GRIP1: variants seen among roughly 807,000 people sequenced by gnomAD.
GRIP1 encodes glutamate receptor-interacting protein 1.
GRIP1 carries 45 observed loss-of-function variants against 129.9 expected under a neutral mutation model. The ratio of observed to expected loss-of-function variants is 0.35; its 90% CI spans 0.27 to 0.44. The LOEUF (loss-of-function observed/expected upper bound fraction) is 0.44, where lower values mean the gene tolerates loss of function less well. Ranked by LOEUF, GRIP1 falls within the 20% of genes least tolerant of loss-of-function variation. GRIP1 has a pLI of 1.00. For synonymous variants in GRIP1, 530 were observed against 520.8 expected (o/e 1.02, Z -0.24); for missense variants, 1,196 against 1,396.8 (o/e 0.86, Z 2.29).
intron 1 of GRIP1, among the ~76,000 whole-genome samples, chr12:66,829,812 T>C (rs576147967): frequency 6.6e-6 from 1 of 152,270 alleles, no homozygotes; most frequent in South Asian, 2.1e-4. Flanking sequence ...TAAGTCACCC[T>C]AAGTTCACAG....
intron 14 of GRIP1, among the ~76,000 whole-genome samples, chr12:66,421,404 C>T (rs2057797760): frequency 6.6e-6 from 1 of 152,096 alleles, no homozygotes; most frequent in Non-Finnish European, 1.5e-5. Flanking sequence ...ATTAGAAAGG[C>T]ATGGTGGCAC....
At chr12:66,512,028 GCGTGGTGCTTC>G (rs1382234099) in intron 7 of GRIP1, among the ~76,000 whole-genome samples, 1 of 152,084 alleles carries the variant, frequency 6.6e-6, no homozygotes, top group Non-Finnish European at 1.5e-5. Context: ...GTTTAAAAGT[GCGTGGTGCTTC>G]CTCTTTCTCT....
intron 1 of GRIP1, among the ~76,000 whole-genome samples, chr12:66,896,489 A>C (rs200453567): frequency 6.7e-5 from 10 of 149,594 alleles, no homozygotes; most frequent in South Asian, 4.2e-4. Flanking sequence ...TGAAAAAAAA[A>C]AAAAAAACTT....
chr12:66,385,731 T>C (rs538614330), intron 19 of GRIP1, among the ~76,000 whole-genome samples: 1 of 151,956 alleles, frequency 6.6e-6, no homozygotes, highest in Non-Finnish European at 1.5e-5. Flanking sequence ...TGCCTCAGCT[T>C]CCTGAGTAGC....
chr12:67,012,110 GA>G (rs1189847859), intron 1 of GRIP1, among the ~76,000 whole-genome samples: 1 of 152,088 alleles, frequency 6.6e-6, no homozygotes, highest in East Asian at 1.9e-4. Flanking sequence ...TTGTTGAATG[GA>G]TAAAATCTGA....
At chr12:66,991,676 T>A (rs559077419) in intron 1 of GRIP1, among the ~76,000 whole-genome samples, 19 of 152,224 alleles carry the variant, frequency 1.2e-4, no homozygotes, top group Non-Finnish European at 2.1e-4. Context: ...GATTTATTAA[T>A]AACAGTGTTG....
At chr12:66,405,767 A>G (rs1332744108) in intron 16 of GRIP1, among the ~76,000 whole-genome samples, 1 of 152,250 alleles carries the variant, frequency 6.6e-6, no homozygotes, top group Admixed American at 6.5e-5. Flanking sequence ...AAAGATATCT[A>G]TGCATAAAGA....
At chr12:67,029,708 T>A (rs1044048940) in intron 1 of GRIP1, among the ~76,000 whole-genome samples, 3 of 151,962 alleles carry the variant, frequency 2.0e-5, no homozygotes, top group African/African-American at 7.2e-5. Context: ...GTTTTTGGAA[T>A]AAAAATCCCA....
At chr12:66,845,575 A>C (rs1041898791) in intron 1 of GRIP1, among the ~76,000 whole-genome samples, 24 of 152,306 alleles carry the variant, frequency 1.6e-4, no homozygotes, top group Middle Eastern at 3.4e-3. Flanking sequence ...TTCCCAAGAA[A>C]ACTGTAATTT....
intron 1 of GRIP1, among the ~76,000 whole-genome samples, chr12:67,066,222 T>C (rs2043622253): frequency 1.3e-5 from 2 of 151,840 alleles, no homozygotes; most frequent in Non-Finnish European, 2.9e-5. Context: ...CGACATGAAA[T>C]TACATAGAAC....
chr12:66,516,318 G>A (rs2060843105), intron 6 of GRIP1, among the ~76,000 whole-genome samples: 1 of 152,196 alleles, frequency 6.6e-6, no homozygotes, highest in Non-Finnish European at 1.5e-5. Context: ...TATCCTCCCT[G>A]CTGTGACCAC....
intron 1 of GRIP1, among the ~76,000 whole-genome samples, chr12:66,858,526 T>C (rs1202936144): frequency 1.3e-5 from 2 of 151,996 alleles, no homozygotes; most frequent in Non-Finnish European, 2.9e-5. Context: ...CCAGATGGAA[T>C]ACTAGGTAAT....
intron 1 of GRIP1, among the ~76,000 whole-genome samples, chr12:66,820,926 G>A (rs978695404): frequency 6.6e-6 from 1 of 152,066 alleles, no homozygotes; most frequent in Admixed American, 6.5e-5. Flanking sequence ...TACCATAATG[G>A]TGCATACGTC....
intron 1 of GRIP1, among the ~76,000 whole-genome samples, chr12:66,785,417 CAG>C (rs1491415329): frequency 6.8e-6 from 1 of 147,604 alleles, no homozygotes; most frequent in Non-Finnish European, 1.5e-5. Flanking sequence ...GAGGCTGACA[CAG>C]GGGGATCACT....
intron 1 of GRIP1, among the ~76,000 whole-genome samples, chr12:66,986,866 TAAAATA>T (rs912663980): frequency 6.2e-5 from 3 of 48,446 alleles, no homozygotes; most frequent in African/African-American, 1.6e-4. Flanking sequence ...TTTAAAAAAA[TAAAATA>T]AAAATAAAAA....
intron 1 of GRIP1, among the ~76,000 whole-genome samples, chr12:66,863,375 T>C (rs1156527901): frequency 1.3e-5 from 2 of 152,116 alleles, no homozygotes; most frequent in Non-Finnish European, 2.9e-5. Flanking sequence ...AATAAATAAA[T>C]AAATCTATAA....
At chr12:66,644,356 G>A (rs12314343) in intron 1 of GRIP1, among the ~76,000 whole-genome samples, 18 of 152,064 alleles carry the variant, frequency 1.2e-4, no homozygotes, top group African/African-American at 4.1e-4. Flanking sequence ...CATTGATGGT[G>A]GAGTTAATAA....
intron 7 of GRIP1, among the ~76,000 whole-genome samples, chr12:66,476,985 T>C (rs540712313): frequency 5.2e-4 from 79 of 152,310 alleles, no homozygotes; most frequent in Admixed American, 2.7e-3. Context: ...GGATGCCCTC[T>C]CTCACCACTC....
chr12:66,884,445 T>C (rs1037065852), intron 1 of GRIP1, among the ~76,000 whole-genome samples: 1 of 152,176 alleles, frequency 6.6e-6, no homozygotes, highest in Non-Finnish European at 1.5e-5. Flanking sequence ...AAATGATACA[T>C]TTATCTTAAA....
Sources: allele counts gnomAD v4.1 joint callset (sites outside exome capture counted in the v4.1 genomes callset), GRCh38; gene constraint gnomAD v4.1.1; transcripts MANE v1.5; gene names NCBI Gene and HGNC (gene_info 2026-07-23, HGNC 2026-07-21).